SMIM14: variants seen among roughly 807,000 people sequenced by gnomAD.
The protein encoded by SMIM14 is chromosome 4 open reading frame 34.
In SMIM14, 5 loss-of-function variants were observed where a neutral mutation model predicts 12.6. The observed-to-expected ratio is 0.40, with a 90% CI of 0.21 to 0.83. The LOEUF (loss-of-function observed/expected upper bound fraction) is 0.83, where lower values mean the gene tolerates loss of function less well. Among genes scored for constraint, SMIM14 ranks in the 40% least tolerant of loss-of-function variants. The probability of loss-of-function intolerance (pLI) is 0.37; values close to 1 mark genes in which losing one functional copy is unlikely to be tolerated. For synonymous variants in SMIM14, 30 were observed against 40.1 expected (o/e 0.75, Z 0.95); for missense variants, 86 against 119.1 (o/e 0.72, Z 1.29).
At position 39,628,363 on chromosome 4, in the gene SMIM14, A is replaced by C. The variant is rs1179004726; in HGVS notation, c.-36+10376T>G. 2.0e-5 allele frequency among the ~76,000 whole-genome samples: 3 copies of C among 151,632 alleles called. No individual in the cohort carries two copies. In the East Asian group the frequency reaches 5.9e-4, roughly 30 times the overall value. On this transcript the variant is annotated intron_variant, in intron 1 of 4. Transcript: ENST00000295958. ...AAGAATATTTACTAGTCATATTCTA[A>C]ATTTTAACATTTTAAAATCAGGAAA... is the stretch of plus-strand genomic sequence containing the variant.
At chr4:39,582,172 A>G (rs1259466661) in intron 2 of SMIM14, among the ~76,000 whole-genome samples, 3 of 152,048 alleles carry the variant, frequency 2.0e-5, no homozygotes, top group Admixed American at 2.0e-4. Context: ...CGCCTGGTCT[A>G]GCAAATGTCT....
At chr4:39,559,713 C>G (rs1712198506) in intron 3 of SMIM14, among the ~76,000 whole-genome samples, 1 of 152,036 alleles carries the variant, frequency 6.6e-6, no homozygotes, top group Non-Finnish European at 1.5e-5. Flanking sequence ...GCAACGAAGT[C>G]TTATGGCAAA....
chr4:39,620,209 G>A (rs1715431763), intron 1 of SMIM14, among the ~76,000 whole-genome samples: 2 of 151,578 alleles, frequency 1.3e-5, no homozygotes, highest in South Asian at 4.2e-4. Context: ...GATGGGCGCT[G>A]TGGCTCACGC....
At chr4:39,577,909 C>T (rs1396847094) in intron 2 of SMIM14, among the ~76,000 whole-genome samples, 4 of 152,136 alleles carry the variant, frequency 2.6e-5, no homozygotes, top group African/African-American at 7.2e-5. Context: ...TGTGGCTTGA[C>T]GGCTACATTC....
chr4:39,630,876 A>T lies in SMIM14; in HGVS notation c.-36+7863T>A, dbSNP rs79478085. ...AAGAGCAAAACCCTGTCAAAAAAAA[A>T]AAAAAAGAAAGAAGGAAAGAAAGAA... is the stretch of plus-strand genomic sequence containing the variant. On this transcript the variant is annotated intron_variant, in intron 1 of 4. Coordinates refer to ENST00000295958, the MANE Select transcript of SMIM14 (RefSeq NM_174921.3). Among the ~76,000 whole-genome samples, 641 of 152,080 alleles carry T rather than the reference A, an allele frequency of 4.2e-3. 23 individuals are homozygous for T. In the East Asian group the frequency reaches 0.083, roughly 20 times the overall value.
chr4:39,594,449 C>T (rs1435243268), intron 2 of SMIM14: 48 of 151,288 alleles, frequency 3.2e-4, no homozygotes, highest in Middle Eastern at 3.4e-3. Context: ...CCATAAAAAC[C>T]CTAGAAGAAA....
At chr4:39,632,682 G>A (rs1715948186) in intron 1 of SMIM14, among the ~76,000 whole-genome samples, 2 of 151,114 alleles carry the variant, frequency 1.3e-5, no homozygotes, top group African/African-American at 2.4e-5. Flanking sequence ...GGAGGCTGAG[G>A]TGGGTTGGTA....
At chr4:39,568,600 A>G (rs1289150024) in intron 3 of SMIM14, among the ~76,000 whole-genome samples, 1 of 152,214 alleles carries the variant, frequency 6.6e-6, no homozygotes, top group Non-Finnish European at 1.5e-5. Context: ...TCAATTCTTA[A>G]GAAGCCTCAA....
chr4:39,630,347 C>T (rs1198131519), intron 1 of SMIM14, among the ~76,000 whole-genome samples: 1 of 151,972 alleles, frequency 6.6e-6, no homozygotes, highest in Non-Finnish European at 1.5e-5. Context: ...TCAAGGCTAC[C>T]GTGAGCTATG....
chr4:39,597,978 T>C (rs1158179815), intron 2 of SMIM14, among the ~76,000 whole-genome samples: 1 of 152,198 alleles, frequency 6.6e-6, no homozygotes, highest in Admixed American at 6.5e-5. Flanking sequence ...TCATATTTCA[T>C]TCCAAAACCA....
intron 2 of SMIM14, among the ~76,000 whole-genome samples, chr4:39,604,365 A>T (rs971458779): frequency 1.3e-5 from 2 of 151,720 alleles, no homozygotes; most frequent in African/African-American, 4.8e-5. Context: ...GGTGAAACCC[A>T]GTCTCTACTA....
intron 1 of SMIM14, among the ~76,000 whole-genome samples, chr4:39,614,329 T>C (rs1715143470): frequency 6.6e-6 from 1 of 152,106 alleles, no homozygotes; most frequent in Non-Finnish European, 1.5e-5. Flanking sequence ...ATGCTACTTT[T>C]TTTTTTTTTG....
chr4:39,604,657 C>T (rs1012831439), intron 2 of SMIM14, among the ~76,000 whole-genome samples: 1 of 151,516 alleles, frequency 6.6e-6, no homozygotes, highest in African/African-American at 2.4e-5. Context: ...GTCGCCCAGG[C>T]TAGAGTGCAG....
rs1413514039 is a variant in SMIM14, at chr4:39,550,557, C to G, written c.*1569G>C. 7 of 152,298 alleles carry G rather than the reference C, an allele frequency of 4.6e-5. No homozygotes were observed. Among genetic ancestry groups the G allele is most frequent in the African/African-American group, 1.4e-4 (6 of 41,446 alleles). The allele number at this position is 152,298 out of a possible 1,614,324, so 9.4% of individuals were successfully genotyped here. On this transcript the variant is annotated 3_prime_UTR_variant, in exon 5 of 5. Transcript: ENST00000295958. ...TCGGCCTCCCAAAGTGCTGGGATTA[C>G]AGGCGTGAGCCACCGTGCCCAGCCC... is the stretch of plus-strand genomic sequence containing the variant.
rs1343757448 is a variant in SMIM14, at chr4:39,619,838, G to GTA, written c.-35-14660_-35-14659dup. ...AAAATATTTATATGTATATATAAATGTATATATATATTTATATATATTTAT... is the reference window on the plus strand; with the variant it reads ...AAAATATTTATATGTATATATAAATGTATATATATATATTTATATATATTTAT... On this transcript the variant is annotated intron_variant, in intron 1 of 4. Coordinates refer to ENST00000295958, the MANE Select transcript of SMIM14 (RefSeq NM_174921.3). Among the ~76,000 whole-genome samples the GTA allele has an allele frequency of 5.6e-5, 6 of 107,086 alleles. No homozygotes were observed. The South Asian group carries it at 1.2e-3, about 21-fold the overall frequency. 70.3% of individuals were successfully genotyped at this position (107,086 alleles called of 152,430 possible).
intron 3 of SMIM14, among the ~76,000 whole-genome samples, chr4:39,560,585 G>C (rs1199767352): frequency 4.0e-5 from 6 of 150,526 alleles, no homozygotes; most frequent in Non-Finnish European, 7.4e-5. Flanking sequence ...AGCAGAGGTT[G>C]CAGTGAGCTG....
chr4:39,624,362 C>T (rs1416709133), intron 1 of SMIM14, among the ~76,000 whole-genome samples: 2 of 152,026 alleles, frequency 1.3e-5, no homozygotes, highest in African/African-American at 2.4e-5. Flanking sequence ...TCACTATGAT[C>T]GCACATCTAG....
intron 1 of SMIM14, among the ~76,000 whole-genome samples, chr4:39,608,116 A>C (rs959956745): frequency 1.3e-5 from 2 of 152,214 alleles, no homozygotes; most frequent in African/African-American, 4.8e-5. Flanking sequence ...CTCAAAAGTT[A>C]AACACAGATT....
chr4:39,568,395 G>T (rs1712691603), intron 3 of SMIM14, among the ~76,000 whole-genome samples: 1 of 151,880 alleles, frequency 6.6e-6, no homozygotes, highest in Non-Finnish European at 1.5e-5. Context: ...ATGAATAAAT[G>T]ATATTTCTGA....
Sources: gnomAD v4.1 joint callset for allele counts (sites outside exome capture counted in the v4.1 genomes callset) on GRCh38, gnomAD v4.1.1 for gene constraint, MANE v1.5 for transcripts, NCBI Gene and HGNC (gene_info 2026-07-23, HGNC 2026-07-21) for gene names.